NFIC: variants seen among roughly 807,000 people sequenced by gnomAD.
The protein encoded by NFIC is nuclear factor I C.
NFIC carries 12 observed loss-of-function variants against 54.4 expected under a neutral mutation model. That is an observed-to-expected ratio of 0.22 (90% CI 0.14 to 0.36). The LOEUF (loss-of-function observed/expected upper bound fraction) is 0.36. Ranked by LOEUF, NFIC falls within the 10% of genes least tolerant of loss-of-function variation. The pLI is 1.00. For synonymous variants in NFIC, 322 were observed against 319.2 expected, an observed-to-expected ratio of 1.01 and a Z score of -0.09; for missense variants, 575 against 718.2, an observed-to-expected ratio of 0.80 and a Z score of 2.28.
rs945277817 is a variant in NFIC, at chr19:3,458,614, G to A, written c.1509+1979G>A. ...GGGGACCCAGAAAGGGTGGGACCAG[G>A]GCTGGCAGAATGGGGTGTGGGGGGG... On this transcript the variant is annotated intron_variant, in intron 10 of 10. Transcript: ENST00000443272. This position sits in a 1 kb window ranked among gnomAD's most constrained non-coding sequence, Gnocchi z 4.1. 2.6e-5 allele frequency among the ~76,000 whole-genome samples: 4 copies of A among 151,964 alleles called. No homozygotes were observed. Among genetic ancestry groups the A allele is most frequent in the Non-Finnish European group, 5.9e-5 (4 of 67,964 alleles).
intron 10 of NFIC, among the ~76,000 whole-genome samples, chr19:3,461,187 T>C (rs2082632760): frequency 6.6e-6 from 1 of 150,868 alleles, no homozygotes; most frequent in South Asian, 2.1e-4. Context: ...GGCTCATGTC[T>C]GTAATCCTAG....
Position 3,367,074 on chromosome 19 carries a change from G to C in NFIC, c.30+408G>C, listed in dbSNP as rs2080904196. On this transcript the variant is annotated intron_variant, in intron 1 of 10. Transcript: ENST00000443272. ...TGCGGGAAGCCCCCCGCCTGCCTCT[G>C]AGAGGAATCTAGGGGGTCGTGATTG... Among the ~76,000 whole-genome samples the C allele has an allele frequency of 2.6e-5, 4 of 152,198 alleles. No homozygotes were observed. In the South Asian group the frequency reaches 8.3e-4, roughly 32 times the overall value.
In NFIC at chr19:3,462,989, C is replaced by G. The variant is rs2082663468; in HGVS notation, c.*220C>G. On this transcript the variant is annotated 3_prime_UTR_variant, in exon 11 of 11. Coordinates refer to ENST00000443272, the MANE Select transcript of NFIC (RefSeq NM_001245002.2). ...AGAAGAAGAAGAAATAAAAACCCACCCAAGCAAGAAGACAAAAGGTAAAGA... is the reference window on the plus strand; with the variant it reads ...AGAAGAAGAAGAAATAAAAACCCACGCAAGCAAGAAGACAAAAGGTAAAGA... 2.1e-6 allele frequency: 3 copies of G among 1,412,222 alleles called. No individual in the cohort carries two copies. The highest frequency in any genetic ancestry group is 2.8e-6 in the Non-Finnish European group (3 of 1,090,048). The allele number at this position is 1,412,222 out of a possible 1,614,324, so 87.5% of individuals were successfully genotyped here. A position where few individuals can be genotyped will look rare whatever the true frequency, so the allele number is the denominator to read the frequency against.
chr19:3,461,370 C>T (rs768394733), intron 10 of NFIC, among the ~76,000 whole-genome samples: 11 of 152,112 alleles, frequency 7.2e-5, no homozygotes, highest in Non-Finnish European at 1.5e-4. Context: ...CTGCAGTGAG[C>T]TATGATGGCA....
At chr19:3,367,085 AG>A (rs879932193) in intron 1 of NFIC, among the ~76,000 whole-genome samples, 178 of 151,902 alleles carry the variant, frequency 1.2e-3, no homozygotes, top group Middle Eastern at 3.4e-3. Flanking sequence ...AGAGGAATCT[AG>A]GGGGTCGTGA....
Position 3,440,533 on chromosome 19 carries a change from C to T in NFIC, c.958+5326C>T, listed in dbSNP as rs1482355639. Among the ~76,000 whole-genome samples, 7 of 151,630 alleles carry T rather than the reference C, an allele frequency of 4.6e-5. No homozygotes were observed. The South Asian group carries it at 1.2e-3, about 27-fold the overall frequency. On this transcript the variant is annotated intron_variant, in intron 6 of 10. Transcript: ENST00000443272. The stretch of plus-strand genomic sequence containing the variant: ...GCAAGCTCTGCCTCCCAGGTTCAAG[C>T]GATTCTCGTGCCTCAGCCTCCCGAA...
intron 2 of NFIC, among the ~76,000 whole-genome samples, chr19:3,398,026 G>C (rs2081492654): frequency 6.6e-6 from 1 of 152,030 alleles, no homozygotes; most frequent in Non-Finnish European, 1.5e-5. Context: ...CCACCCCTGT[G>C]GGTTGCTGGG....
At chr19:3,424,853 T>TA (rs1436796625) in intron 2 of NFIC, among the ~76,000 whole-genome samples, 3 of 152,164 alleles carry the variant, frequency 2.0e-5, no homozygotes, top group African/African-American at 7.2e-5. Flanking sequence ...TTACCCAACA[T>TA]ACGGGTACAC....
chr19:3,374,063 ATAAGTGC>A (rs2081066576), intron 1 of NFIC, among the ~76,000 whole-genome samples: 1 of 152,214 alleles, frequency 6.6e-6, no homozygotes, highest in East Asian at 1.9e-4. Flanking sequence ...GGAATTTGGG[ATAAGTGC>A]TAAGTAGGTA....
chr19:3,362,070 C>A (rs1170593436), upstream of NFIC, among the ~76,000 whole-genome samples: 5 of 152,204 alleles, frequency 3.3e-5, no homozygotes, highest in Non-Finnish European at 5.9e-5. Context: ...CTTCCCTGTC[C>A]CCACCGCGTT....
intron 4 of NFIC, 33 bp from the exon 5 acceptor site, chr19:3,434,244 T>G (rs2082163561): frequency 1.3e-6 from 2 of 1,593,698 alleles, no homozygotes; most frequent in African/African-American, 2.7e-5. Flanking sequence ...GGGCACTGCT[T>G]CCTGCCTCAC....
chr19:3,450,228 C>T (rs918451285), intron 7 of NFIC, among the ~76,000 whole-genome samples: 2 of 151,986 alleles, frequency 1.3e-5, no homozygotes, highest in Admixed American at 6.6e-5. Context: ...GCCTGTAGTC[C>T]CAGCTACTTG....
chr19:3,382,822 G>A (rs553614096), intron 2 of NFIC, among the ~76,000 whole-genome samples: 2 of 152,038 alleles, frequency 1.3e-5, no homozygotes, highest in East Asian at 1.9e-4. Context: ...TGCAAGGAGC[G>A]TCTGAGGGAG....
At chr19:3,395,838 A>AC (rs2081454006) in intron 2 of NFIC, among the ~76,000 whole-genome samples, 4 of 152,076 alleles carry the variant, frequency 2.6e-5, no homozygotes, top group South Asian at 4.2e-4. Flanking sequence ...GTGCCACCAC[A>AC]CCGGCTAATT....
intron 2 of NFIC, among the ~76,000 whole-genome samples, chr19:3,420,141 C>T (rs1335079278): frequency 2.6e-5 from 4 of 151,924 alleles, no homozygotes; most frequent in East Asian, 1.9e-4. Context: ...GGCAGCATCG[C>T]GAAAACCCGT....
At position 3,360,616 on chromosome 19, in the gene NFIC, C is replaced by T. The variant is rs573477879; in HGVS notation, c.3+931C>T. 2.0e-4 allele frequency among the ~76,000 whole-genome samples: 30 copies of T among 152,320 alleles called. No individual in the cohort carries two copies. The South Asian group carries it at 4.3e-3, about 22-fold the overall frequency. ...GCGGGTCCCGGCGCGTCGGCTCCGC[C>T]GCTTTCTGTGTCCGCGTGTGTCTGC... is the stretch of plus-strand genomic sequence containing the variant. On this transcript the variant is annotated intron_variant, in intron 1 of 9. Transcript: ENST00000395111.
intron 1 of NFIC, among the ~76,000 whole-genome samples, chr19:3,371,888 C>CTTCCTTCCTTCT (rs1555739174): frequency 4.2e-5 from 3 of 70,674 alleles, no homozygotes; most frequent in Non-Finnish European, 9.9e-5. Context: ...TCTCTCCTTC[C>CTTCCTTCCTTCT]TTCCTTCCTT....
intron 6 of NFIC, among the ~76,000 whole-genome samples, chr19:3,443,863 G>A (rs1417953256): frequency 6.6e-6 from 1 of 152,192 alleles, no homozygotes; most frequent in Non-Finnish European, 1.5e-5. Flanking sequence ...GGGCCCAGAG[G>A]AGACCTTGGT....
intron 2 of NFIC, among the ~76,000 whole-genome samples, chr19:3,394,539 C>A (rs1360237700): frequency 2.0e-4 from 24 of 122,892 alleles, no homozygotes; most frequent in Non-Finnish European, 1.5e-4. Flanking sequence ...CACCCGCTTA[C>A]ACTAAGTCTG....
Sources: gnomAD v4.1 joint callset for allele counts (sites outside exome capture counted in the v4.1 genomes callset) on GRCh38, gnomAD v4.1.1 for gene constraint, Gnocchi (gnomAD v3.1) non-coding constraint, MANE v1.5 for transcripts, NCBI Gene and HGNC (gene_info 2026-07-23, HGNC 2026-07-21) for gene names.